GRIP2: variants seen among roughly 807,000 people sequenced by gnomAD.
GRIP2 encodes the protein glutamate receptor interacting protein 2.
In GRIP2, 58 loss-of-function variants were observed where a neutral mutation model predicts 108.3. The observed-to-expected ratio is 0.54, with a 90% CI of 0.43 to 0.67. GRIP2 has a LOEUF of 0.67. GRIP2 is among the 30% of genes least tolerant of loss of function. The probability of loss-of-function intolerance (pLI) is 0.00; values close to 1 mark genes in which losing one functional copy is unlikely to be tolerated. For synonymous variants in GRIP2, 586 were observed against 598.2 expected, an observed-to-expected ratio of 0.98 and a Z score of 0.30; for missense variants, 1,278 against 1,430.6, an observed-to-expected ratio of 0.89 and a Z score of 1.72.
chr3:14,598,127 GCA>G, the GRIP2 span, among the ~76,000 whole-genome samples: 19 of 151,730 alleles, frequency 1.3e-4, no homozygotes, highest in African/African-American at 4.6e-4. Flanking sequence ...ACAAACACAC[GCA>G]CACACAAACA....
chr3:14,521,616 C>G lies in GRIP2; in HGVS notation c.712+26G>C. 1 of 1,585,894 alleles carries G rather than the reference C, an allele frequency of 6.3e-7. No homozygotes were observed. Among genetic ancestry groups the G allele is most frequent in the Non-Finnish European group, 8.6e-7 (1 of 1,163,716 alleles). On this transcript the variant is annotated intron_variant, in intron 7 of 23. Coordinates refer to ENST00000621039, the MANE Select transcript of GRIP2 (RefSeq NM_001080423.4). This position sits in a 1 kb window ranked among gnomAD's most constrained non-coding sequence, Gnocchi z 5.1. ...CATCCCAGGCCTCCTCCTGCCCCAA[C>G]CCACACACTCAGGCCCCCAACTCAC...
chr3:14,521,492 C>T lies in GRIP2; in HGVS notation c.712+150G>A. Reference sequence around the variant, plus strand: ...CCAGCACATCAAACAATGCCTAGCACATACTATTTACTGCCCAGAGAAGCT... The same window carrying T: ...CCAGCACATCAAACAATGCCTAGCATATACTATTTACTGCCCAGAGAAGCT... On this transcript the variant is annotated intron_variant, in intron 7 of 23. Transcript: ENST00000621039. The surrounding 1 kb of genome is among the most constrained non-coding windows in gnomAD (Gnocchi z 5.1). 1 of 796,108 alleles carries T rather than the reference C, an allele frequency of 1.3e-6. No individual in the cohort carries two copies. Among genetic ancestry groups the T allele is most frequent in the South Asian group, 2.0e-5 (1 of 50,390 alleles). The allele number at this position is 796,108 out of a possible 1,614,324, so 49.3% of individuals were successfully genotyped here.
rs755226656 is a variant in GRIP2 at position 14,494,989 on chromosome 3, C to G, written c.2824G>C (p.Val942Leu). 3.1e-6 allele frequency: 5 copies of G among 1,613,634 alleles called. No homozygotes were observed. In the Admixed American group the frequency reaches 8.3e-5, roughly 27 times the overall value. Reference sequence around the variant, plus strand: ...CGCATGGGGTCCTTGTGCAGGGTCACCTGGAAGCAGAAGGAGGAGGAGGTT... The same window carrying G: ...CGCATGGGGTCCTTGTGCAGGGTCAGCTGGAAGCAGAAGGAGGAGGAGGTT... ...LLPTPLEMHK[V>L]TLHKDPMRHD... The change falls in exon 23 of 24, where the codon GTG (valine) becomes CTG (leucine). Residue 942 changes from valine (V) to leucine (L), a missense_variant and splice_region_variant. Val to Leu is a conservative substitution (Grantham distance 32). Coordinates refer to ENST00000621039, the MANE Select transcript of GRIP2 (RefSeq NM_001080423.4).
At chr3:14,592,170 T>C in the GRIP2 span, among the ~76,000 whole-genome samples, 2 of 152,368 alleles carry the variant, frequency 1.3e-5, no homozygotes, top group Middle Eastern at 3.4e-3. Flanking sequence ...GGGCCTGTCC[T>C]AGCTGCTCCC....
In GRIP2 at chr3:14,496,549, C is replaced by T. The variant is rs1038723886; in HGVS notation, c.2691G>A (p.Met897Ile). 1.9e-6 allele frequency: 3 copies of T among 1,594,170 alleles called. No homozygotes were observed. The highest frequency in any genetic ancestry group is 1.7e-5 in the Admixed American group (1 of 57,334). ...ELLRELEASI[M>I]TGTVQRVALE... is the part of the protein sequence containing the mutation. ...GGGCCACCCTCTGCACGGTGCCCGT[C>T]ATGATGGATGCCTGCAAGGAACACG... The change falls in exon 22 of 24, where the codon ATG (methionine) becomes ATA (isoleucine). Residue 897 changes from methionine to isoleucine, a missense_variant. By Grantham distance (10) the Met-to-Ile change is conservative (BLOSUM62 1). Transcript: ENST00000621039.
intron 21 of GRIP2, among the ~76,000 whole-genome samples, chr3:14,498,459 T>C (rs1438774674): frequency 6.6e-6 from 1 of 152,106 alleles, no homozygotes; most frequent in East Asian, 1.9e-4. Flanking sequence ...CAAGATCCTA[T>C]CACTAAAAAA....
At chr3:14,556,598 C>T (rs1260353634), upstream of GRIP2, among the ~76,000 whole-genome samples, 4 of 152,216 alleles carry the variant, frequency 2.6e-5, no homozygotes, top group Non-Finnish European at 4.4e-5. Flanking sequence ...CAGAGTAGAA[C>T]GAGGAGACCT....
At chr3:14,517,668 A>G in intron 10 of GRIP2, 104 bp downstream of exon 10, 1 of 1,438,486 alleles carries the variant, frequency 7.0e-7, no homozygotes, top group Non-Finnish European at 9.5e-7. Context: ...CACCCAGCTC[A>G]CTAATCTCTG....
At chr3:14,494,202 G>A (rs1446628951) in intron 23 of GRIP2, among the ~76,000 whole-genome samples, 1 of 152,214 alleles carries the variant, frequency 6.6e-6, no homozygotes, top group Non-Finnish European at 1.5e-5. Context: ...TTCAAAGCAA[G>A]GGGTGCAAGA....
the GRIP2 span, among the ~76,000 whole-genome samples, chr3:14,575,752 A>G: frequency 2.0e-5 from 3 of 152,226 alleles, no homozygotes; most frequent in Admixed American, 6.5e-5. Context: ...TAAGGGAGGC[A>G]GCTGGCATCT....
intron 19 of GRIP2, among the ~76,000 whole-genome samples, chr3:14,506,470 T>C (rs1348679221): frequency 6.6e-6 from 1 of 152,178 alleles, no homozygotes; most frequent in African/African-American, 2.4e-5. Context: ...GAGCACCTAC[T>C]GTGTGCCAGA....
chr3:14,503,674 G>A lies in GRIP2; in HGVS notation c.2574-3C>T, dbSNP rs1000940514. 4.7e-6 allele frequency: 6 copies of A among 1,269,526 alleles called. No homozygotes were observed. The African/African-American group carries it at 7.7e-5, about 16-fold the overall frequency. 78.6% of individuals were successfully genotyped at this position (1,269,526 alleles called of 1,614,324 possible). A position where few individuals can be genotyped will look rare whatever the true frequency, so the allele number is the denominator to read the frequency against. On this transcript the variant is annotated splice_region_variant and splice_polypyrimidine_tract_variant and intron_variant, in intron 20 of 23. Transcript: ENST00000621039. ...CTCGGGCAGGGCCAGGGGCTGGGCT[G>A]TAACGTAGGAACCAGAGAGCGTCAA...
the GRIP2 span, among the ~76,000 whole-genome samples, chr3:14,602,836 C>A: frequency 6.6e-6 from 1 of 151,600 alleles, no homozygotes; most frequent in Admixed American, 6.6e-5. The surrounding 1 kb of genome is among the most constrained non-coding windows in gnomAD (Gnocchi z 4.7). Context: ...GCGCCCCAGG[C>A]GTGTGCGCCC....
At chr3:14,585,542 G>T in the GRIP2 span, among the ~76,000 whole-genome samples, 2 of 152,182 alleles carry the variant, frequency 1.3e-5, no homozygotes, top group Non-Finnish European at 2.9e-5. Context: ...AGGGACTGCA[G>T]CTGGGCAGAG....
At position 14,498,086 on chromosome 3, in the gene GRIP2, A is replaced by G. The variant is rs114817157; in HGVS notation, c.2680-1526T>C. 7.7e-3 allele frequency among the ~76,000 whole-genome samples: 1,173 copies of G among 152,274 alleles called. 16 individuals are homozygous for G. Among genetic ancestry groups the G allele is most frequent in the African/African-American group, 0.026 (1,088 of 41,544 alleles). On this transcript the variant is annotated intron_variant, in intron 21 of 23. Coordinates refer to ENST00000621039, the MANE Select transcript of GRIP2 (RefSeq NM_001080423.4). ...CCATCACAGTATCTGAATTCCCACT[A>G]TTAGTGCATAGTTCTATCTGACCAT...
In GRIP2 at chr3:14,507,730, G is replaced by C; in HGVS notation, c.2079-30C>G. On this transcript the variant is annotated intron_variant, in intron 17 of 23. Coordinates refer to ENST00000621039, the MANE Select transcript of GRIP2 (RefSeq NM_001080423.4). This position sits in a 1 kb window ranked among gnomAD's most constrained non-coding sequence, Gnocchi z 4.6. Reference sequence around the variant, plus strand: ...GGAGTGGATGCAGGGCAGAGAATGGGAGTTAGACACTCAGGGCCTCAGAGT... The same window carrying C: ...GGAGTGGATGCAGGGCAGAGAATGGCAGTTAGACACTCAGGGCCTCAGAGT... The C allele has an allele frequency of 3.1e-6, 5 of 1,601,106 alleles. No homozygotes were observed. The highest frequency in any genetic ancestry group is 2.2e-5 in the South Asian group (2 of 90,858).
intron 20 of GRIP2, among the ~76,000 whole-genome samples, chr3:14,504,984 C>CCGG (rs1693877944): frequency 6.6e-6 from 1 of 152,152 alleles, no homozygotes; most frequent in African/African-American, 2.4e-5. Flanking sequence ...CTGTGGGTAC[C>CCGG]AGGAGGGAGG....
At chr3:14,561,423 G>A in the GRIP2 span, among the ~76,000 whole-genome samples, 3 of 151,920 alleles carry the variant, frequency 2.0e-5, no homozygotes, top group Admixed American at 6.5e-5. Context: ...TCACTTTCTC[G>A]GTCCCAAGGC....
the GRIP2 span, among the ~76,000 whole-genome samples, chr3:14,580,743 A>G: frequency 6.6e-6 from 1 of 152,152 alleles, no homozygotes; most frequent in African/African-American, 2.4e-5. Context: ...AACCCACTTG[A>G]CCAGGCTTTA....
Sources: gnomAD v4.1 joint callset for allele counts (sites outside exome capture counted in the v4.1 genomes callset) on GRCh38, gnomAD v4.1.1 for gene constraint, Gnocchi (gnomAD v3.1) non-coding constraint, MANE v1.5 for transcripts, NCBI Gene and HGNC (gene_info 2026-07-23, HGNC 2026-07-21) for gene names.